Variants in STX18 observed in about 807,000 individuals in gnomAD.
STX18 encodes the protein syntaxin 18, also known as syntaxin-18.
A neutral mutation model predicts 50.1 loss-of-function variants in STX18; 40 were observed. That is an observed-to-expected ratio of 0.80 (90% CI 0.62 to 1.04). The LOEUF is 1.04. STX18 is among the 50% of genes least tolerant of loss of function. STX18 has a pLI of 0.00. For missense variants in STX18, 410 were observed against 415.8 expected (o/e 0.99, Z 0.12); for synonymous variants, 158 against 151.8 (o/e 1.04, Z -0.30).
Position 4,441,947 on chromosome 4 carries a change from T to C in STX18, c.498-3438A>G, listed in dbSNP as rs528042338. On this transcript the variant is annotated intron_variant, in intron 5 of 10. Transcript: ENST00000306200. ...GGTAAAAGAAGCAAGTATGGTAAAA[T>C]GTAAATGCTCGAATCTAGGGTATAG... 4.6e-5 allele frequency among the ~76,000 whole-genome samples: 7 copies of C among 152,302 alleles called. No individual in the cohort carries two copies. In the East Asian group the frequency reaches 1.3e-3, roughly 29 times the overall value.
chr4:4,458,164 T>C (rs1727181211), intron 3 of STX18, among the ~76,000 whole-genome samples: 2 of 152,184 alleles, frequency 1.3e-5, no homozygotes, highest in Non-Finnish European at 2.9e-5. Flanking sequence ...GTAATTACAA[T>C]AGCAATTCCG....
intron 1 of STX18, among the ~76,000 whole-genome samples, chr4:4,488,285 A>G (rs1446257059): frequency 1.3e-5 from 2 of 152,278 alleles, no homozygotes; most frequent in East Asian, 3.9e-4. Flanking sequence ...CCCAAAGACT[A>G]AATACTACCC....
At chr4:4,542,125 C>T (rs1731643006), upstream of STX18, 6 of 987,042 alleles carry the variant, frequency 6.1e-6, no homozygotes, top group Non-Finnish European at 8.3e-6. Context: ...GCTACCGCGG[C>T]GGGAGGAAAA....
rs774495082 is a variant in STX18, at chr4:4,419,989, G to A, written c.*45C>T. The A allele has an allele frequency of 3.5e-5, 53 of 1,503,144 alleles. No individual in the cohort carries two copies. The Middle Eastern group carries it at 1.2e-3, about 33-fold the overall frequency. 93.1% of individuals were successfully genotyped at this position (1,503,144 alleles called of 1,614,324 possible). On this transcript the variant is annotated 3_prime_UTR_variant, in exon 11 of 11. Coordinates refer to ENST00000306200, the MANE Select transcript of STX18 (RefSeq NM_016930.4). ...GGAAGTACATGAAAGCACGCAGTCT[G>A]TGAGTGCCCATGAGGACTCTCGTGC...
chr4:4,471,745 T>C (rs1329343060), intron 1 of STX18, 39 bp from the exon 2 acceptor site: 1 of 1,359,942 alleles, frequency 7.4e-7, no homozygotes, highest in Admixed American at 2.4e-5. Context: ...TATATAGATA[T>C]GTTACACTCA....
At chr4:4,425,072 G>T in intron 8 of STX18, 92 bp downstream of exon 8, 1 of 1,219,292 alleles carries the variant, frequency 8.2e-7, no homozygotes, top group Non-Finnish European at 1.2e-6. Context: ...AGGGCCCCAT[G>T]GGGATGCCTG....
At chr4:4,501,065 T>G (rs1170707704) in intron 1 of STX18, among the ~76,000 whole-genome samples, 2 of 152,056 alleles carry the variant, frequency 1.3e-5, no homozygotes, top group African/African-American at 4.8e-5. Flanking sequence ...AATAAAAAAT[T>G]TACCATAATG....
intron 9 of STX18, 91 bp from the exon 10 acceptor site, chr4:4,421,035 A>T (rs1401826587): frequency 1.6e-6 from 2 of 1,268,390 alleles, no homozygotes; most frequent in East Asian, 4.6e-5. Context: ...TTTGAGTGTC[A>T]TGTCAGCGCT....
intron 2 of STX18, 109 bp downstream of exon 2, chr4:4,471,530 T>G: frequency 1.4e-6 from 1 of 703,138 alleles, no homozygotes; most frequent in Non-Finnish European, 2.3e-6. Flanking sequence ...GTCTTCCTCA[T>G]TACAACTCTG....
At chr4:4,434,957 C>G (rs1725698928) in intron 6 of STX18, 99 bp from the exon 7 acceptor site, 1 of 776,534 alleles carries the variant, frequency 1.3e-6, no homozygotes, top group Non-Finnish European at 2.0e-6. Flanking sequence ...TAAACAGAAT[C>G]TTACAGCTTT....
intron 1 of STX18, among the ~76,000 whole-genome samples, chr4:4,473,589 G>A (rs1410721334): frequency 5.3e-5 from 8 of 152,032 alleles, no homozygotes; most frequent in South Asian, 2.1e-4. Flanking sequence ...CACCGCGCCC[G>A]GTCGGAAATC....
rs1731632395 is a variant in STX18 at position 4,542,004 on chromosome 4, G to A, written c.-40C>T. 4 of 1,519,618 alleles carry A rather than the reference G, an allele frequency of 2.6e-6. No individual in the cohort carries two copies. Among genetic ancestry groups the A allele is most frequent in the African/African-American group, 2.8e-5 (2 of 70,302 alleles). The allele number at this position is 1,519,618 out of a possible 1,614,324, so 94.1% of individuals were successfully genotyped here. A position where few individuals can be genotyped will look rare whatever the true frequency, so the allele number is the denominator to read the frequency against. On this transcript the variant is annotated 5_prime_UTR_variant, in exon 1 of 11. It adds an upstream start codon to the 5' untranslated region. Transcript: ENST00000306200. ...TCAGCCCCACACTAGGCCCGCCCAC[G>A]TAAGCAGCCGGCGACCGCGGCGCGA...
At chr4:4,467,541 C>T (rs1727680188) in intron 2 of STX18, among the ~76,000 whole-genome samples, 1 of 152,160 alleles carries the variant, frequency 6.6e-6, no homozygotes, top group African/African-American at 2.4e-5. Context: ...CCATGGCCAG[C>T]CCTGGCTCAG....
chr4:4,460,558 T>C (rs575906872), intron 2 of STX18, among the ~76,000 whole-genome samples: 135 of 152,158 alleles, frequency 8.9e-4, no homozygotes, highest in African/African-American at 3.2e-3. Flanking sequence ...CAGATAAGCA[T>C]CCTCTCCTCC....
At chr4:4,447,949 A>T (rs1376472518) in intron 5 of STX18, among the ~76,000 whole-genome samples, 1 of 151,822 alleles carries the variant, frequency 6.6e-6, no homozygotes, top group African/African-American at 2.4e-5. Context: ...ATACTTGTAC[A>T]ATCTGTACAA....
chr4:4,451,201 C>T (rs1726732925), intron 5 of STX18, among the ~76,000 whole-genome samples: 1 of 152,148 alleles, frequency 6.6e-6, no homozygotes, highest in African/African-American at 2.4e-5. Flanking sequence ...TTCTACCTGG[C>T]CAGCATCTGC....
At chr4:4,470,690 C>G (rs558025838) in intron 2 of STX18, among the ~76,000 whole-genome samples, 14 of 152,232 alleles carry the variant, frequency 9.2e-5, no homozygotes, top group South Asian at 6.2e-4. Flanking sequence ...TTAAGTTGAG[C>G]CTTTAAGTTT....
At chr4:4,494,622 TC>T (rs1483412313) in intron 1 of STX18, among the ~76,000 whole-genome samples, 2 of 152,188 alleles carry the variant, frequency 1.3e-5, no homozygotes, top group African/African-American at 4.8e-5. Flanking sequence ...TTATTAACTA[TC>T]CTTGTTCTTC....
chr4:4,470,591 A>G (rs1727861201), intron 2 of STX18, among the ~76,000 whole-genome samples: 1 of 152,194 alleles, frequency 6.6e-6, no homozygotes, highest in Admixed American at 6.5e-5. Flanking sequence ...TTTGTTACTG[A>G]AGAAAATATA....
Sources: allele counts gnomAD v4.1 joint callset (sites outside exome capture counted in the v4.1 genomes callset), GRCh38; gene constraint gnomAD v4.1.1; transcripts MANE v1.5; gene names NCBI Gene and HGNC (gene_info 2026-07-23, HGNC 2026-07-21).